PAK1: variants seen among roughly 807,000 people sequenced by gnomAD.
PAK1 encodes the protein serine/threonine-protein kinase PAK 1.
In PAK1, 29 loss-of-function variants were observed where a neutral mutation model predicts 67.4. The observed-to-expected ratio is 0.43, with a 90% CI of 0.32 to 0.59. PAK1 has a LOEUF of 0.59. Ranked by LOEUF, PAK1 falls within the 20% of genes least tolerant of loss-of-function variation. The pLI is 0.07. For missense variants in PAK1, 337 were observed against 670.7 expected (o/e 0.50, Z 5.50); for synonymous variants, 223 against 237.4 (o/e 0.94, Z 0.56).
At chr11:77,460,079 A>C (rs943083463) in intron 1 of PAK1, among the ~76,000 whole-genome samples, 2 of 151,674 alleles carry the variant, frequency 1.3e-5, no homozygotes, top group Non-Finnish European at 2.9e-5. Context: ...AGAAGCCAGA[A>C]TTGCGAACAG....
chr11:77,495,396 C>T, the PAK1 span, among the ~76,000 whole-genome samples: 1 of 152,060 alleles, frequency 6.6e-6, no homozygotes, highest in Non-Finnish European at 1.5e-5. Flanking sequence ...CTCACTTGAA[C>T]CTGGGAGGTA....
At chr11:77,378,615 G>T (rs1234669016) in intron 4 of PAK1, among the ~76,000 whole-genome samples, 1 of 151,894 alleles carries the variant, frequency 6.6e-6, no homozygotes, top group Admixed American at 6.6e-5. Context: ...TTGAGACAGG[G>T]TCTCACTCTG....
At chr11:77,511,166 AG>A in the PAK1 span, among the ~76,000 whole-genome samples, 1 of 152,196 alleles carries the variant, frequency 6.6e-6, no homozygotes, top group South Asian at 2.1e-4. Context: ...CTTTCTTGCA[AG>A]GGTTGAGGAA....
At chr11:77,361,204 C>G (rs531477223) in intron 5 of PAK1, among the ~76,000 whole-genome samples, 1 of 152,148 alleles carries the variant, frequency 6.6e-6, no homozygotes, top group Admixed American at 6.6e-5. Context: ...TGGGGAGATA[C>G]TATTTTAGAT....
chr11:77,476,151 C>G (rs190273082), upstream of PAK1: 165 of 152,570 alleles, frequency 1.1e-3, 1 homozygote, highest in Middle Eastern at 0.037. Flanking sequence ...GCCTGGGTGA[C>G]AAGAGCAAAA....
chr11:77,382,974 G>C (rs920862379), intron 2 of PAK1, among the ~76,000 whole-genome samples: 7 of 152,182 alleles, frequency 4.6e-5, no homozygotes, highest in African/African-American at 1.7e-4. Context: ...TCCAGCCTGG[G>C]TGACAGAGTG....
At position 77,324,172 on chromosome 11, in the gene PAK1, C is replaced by CTT. The variant is rs11324143; in HGVS notation, c.1552-814_1552-813dup. Among the ~76,000 whole-genome samples, 84 of 127,426 alleles carry CTT rather than the reference C, an allele frequency of 6.6e-4. 1 individual carries two copies. Among genetic ancestry groups the CTT allele is most frequent in the African/African-American group, 2.2e-3 (69 of 31,990 alleles). The allele number at this position is 127,426 out of a possible 152,430, so 83.6% of individuals were successfully genotyped here. ...GTAAAACTGTTACAGAAAGCAATTCCTTTTTTTTTTTTTTTTTTGAGACGG... is the reference window on the plus strand; with the variant it reads ...GTAAAACTGTTACAGAAAGCAATTCCTTTTTTTTTTTTTTTTTTTTGAGACGG... On this transcript the variant is annotated intron_variant, in intron 14 of 14. Transcript: ENST00000356341.
chr11:77,349,170 G>A, intron 9 of PAK1, 69 bp downstream of exon 9: 3 of 1,111,948 alleles, frequency 2.7e-6, no homozygotes, highest in South Asian at 2.7e-5. Flanking sequence ...GACCTAACAA[G>A]GGCTAAAAAT....
At chr11:77,496,237 T>G in the PAK1 span, among the ~76,000 whole-genome samples, 1 of 152,000 alleles carries the variant, frequency 6.6e-6, no homozygotes, top group Non-Finnish European at 1.5e-5. Context: ...CAGGATGGTC[T>G]CGATCTCTTG....
At chr11:77,327,151 C>T (rs148732889) in intron 14 of PAK1, among the ~76,000 whole-genome samples, 1,766 of 152,274 alleles carry the variant, frequency 0.012, 18 homozygotes, top group South Asian at 0.022. Context: ...GCCAAATCTA[C>T]GTCTGATTGG....
chr11:77,414,766 T>C (rs1954856055), intron 1 of PAK1, among the ~76,000 whole-genome samples: 1 of 152,212 alleles, frequency 6.6e-6, no homozygotes, highest in Non-Finnish European at 1.5e-5. Context: ...AACCATTGCA[T>C]TTGCAAAATG....
At chr11:77,488,813 A>G in the PAK1 span, among the ~76,000 whole-genome samples, 1 of 152,194 alleles carries the variant, frequency 6.6e-6, no homozygotes, top group African/African-American at 2.4e-5. Context: ...AAGAGCCTCA[A>G]AAGGTCAAAC....
At chr11:77,487,620 T>C in the PAK1 span, among the ~76,000 whole-genome samples, 1 of 151,858 alleles carries the variant, frequency 6.6e-6, no homozygotes, top group Non-Finnish European at 1.5e-5. Flanking sequence ...CTGAAGAGCC[T>C]TGGGTCTTGA....
upstream of PAK1, among the ~76,000 whole-genome samples, chr11:77,479,111 C>T (rs190828047): frequency 6.7e-6 from 1 of 150,190 alleles, no homozygotes; most frequent in East Asian, 2.0e-4. Flanking sequence ...AAGTTAAGAT[C>T]TAAGCATTAG....
chr11:77,472,735 A>G (rs1287444081), intron 1 of PAK1, among the ~76,000 whole-genome samples: 1 of 152,230 alleles, frequency 6.6e-6, no homozygotes, highest in Non-Finnish European at 1.5e-5. Context: ...GTCAAGACTA[A>G]TGAATCTGAA....
At chr11:77,468,779 AT>A (rs1212430344) in intron 1 of PAK1, among the ~76,000 whole-genome samples, 1 of 152,194 alleles carries the variant, frequency 6.6e-6, no homozygotes, top group African/African-American at 2.4e-5. Flanking sequence ...TTAAAAGGCA[AT>A]ATGTTATAGT....
intron 5 of PAK1, among the ~76,000 whole-genome samples, chr11:77,365,265 A>AG (rs1947366203): frequency 2.4e-5 from 2 of 81,990 alleles, no homozygotes; most frequent in Admixed American, 1.1e-4. Context: ...AAAAAAAAAA[A>AG]AAAGAAAAAA....
At chr11:77,466,240 G>A (rs1358699044) in intron 1 of PAK1, among the ~76,000 whole-genome samples, 2 of 152,214 alleles carry the variant, frequency 1.3e-5, no homozygotes, top group African/African-American at 2.4e-5. Context: ...ACATTTATAT[G>A]ACAGCTAAGG....
At position 77,409,111 on chromosome 11, in the gene PAK1, A is replaced by AT. The variant is rs35041035; in HGVS notation, c.-21-16571dup. ...GAGACCACACTTCTAAAAAAAAAAA[A>AT]TTTTTTTTTTATTAGCCAGGCATGC... On this transcript the variant is annotated intron_variant, in intron 1 of 14. Coordinates refer to ENST00000356341, the MANE Select transcript of PAK1 (RefSeq NM_002576.5). Among the ~76,000 whole-genome samples the AT allele has an allele frequency of 6.0e-5, 9 of 150,414 alleles. No homozygotes were observed. In the South Asian group the frequency reaches 6.3e-4, roughly 11 times the overall value.
Sources: allele counts gnomAD v4.1 joint callset (sites outside exome capture counted in the v4.1 genomes callset), GRCh38; gene constraint gnomAD v4.1.1; transcripts MANE v1.5; gene names NCBI Gene and HGNC (gene_info 2026-07-23, HGNC 2026-07-21).